CDK14: variants seen among roughly 807,000 people sequenced by gnomAD.
The protein encoded by CDK14 is cyclin-dependent kinase 14.
Under a neutral mutation model 60.7 loss-of-function variants are expected in CDK14, and 34 were observed. The observed-to-expected ratio is 0.56, with a 90% confidence interval of 0.43 to 0.75. The LOEUF is 0.75. CDK14 is among the 30% of genes least tolerant of loss of function. The pLI is 0.00. For synonymous variants in CDK14, 197 were observed against 203.7 expected (o/e 0.97, Z 0.28); for missense variants, 482 against 564.1 (o/e 0.85, Z 1.47).
intron 12 of CDK14, among the ~76,000 whole-genome samples, chr7:91,096,065 CAAAAAAAA>C (rs112016367): frequency 7.7e-5 from 5 of 64,556 alleles, no homozygotes; most frequent in Non-Finnish European, 1.1e-4. Flanking sequence ...CACAATTTGC[CAAAAAAAA>C]AAAAAAAAAA....
At chr7:90,894,850 A>C (rs1310055275) in intron 6 of CDK14, among the ~76,000 whole-genome samples, 1 of 152,124 alleles carries the variant, frequency 6.6e-6, no homozygotes, top group Admixed American at 6.5e-5. Context: ...ATATGTTTTT[A>C]TATTGAACTA....
At chr7:91,124,891 A>G (rs1284556710) in intron 14 of CDK14, among the ~76,000 whole-genome samples, 1 of 152,138 alleles carries the variant, frequency 6.6e-6, no homozygotes, top group Non-Finnish European at 1.5e-5. Flanking sequence ...TTTTCATTTA[A>G]TGTTGATTCT....
At chr7:90,848,892 C>G (rs1237833068) in intron 5 of CDK14, among the ~76,000 whole-genome samples, 1 of 152,108 alleles carries the variant, frequency 6.6e-6, no homozygotes, top group Non-Finnish European at 1.5e-5. Context: ...TTATTTTTGC[C>G]TATTCGTTGG....
At chr7:90,630,061 AC>A (rs1356524433) in intron 2 of CDK14, among the ~76,000 whole-genome samples, 20 of 151,642 alleles carry the variant, frequency 1.3e-4, no homozygotes, top group Non-Finnish European at 2.1e-4. Flanking sequence ...ACAAAACAAA[AC>A]AAAACAAAAC....
intron 4 of CDK14, among the ~76,000 whole-genome samples, chr7:90,788,064 G>A (rs762267942): frequency 3.8e-4 from 58 of 152,118 alleles, no homozygotes; most frequent in Non-Finnish European, 6.9e-4. Context: ...AGAAGCATGC[G>A]GTTCCTATAT....
At chr7:90,599,643 G>T (rs1799271830) in intron 1 of CDK14, among the ~76,000 whole-genome samples, 2 of 152,078 alleles carry the variant, frequency 1.3e-5, no homozygotes, top group Admixed American at 1.3e-4. Context: ...TTTCTTCATT[G>T]GTACTTCATG....
intron 9 of CDK14, among the ~76,000 whole-genome samples, chr7:90,968,192 A>G (rs1002598484): frequency 2.2e-4 from 33 of 152,214 alleles, no homozygotes; most frequent in Admixed American, 1.3e-4. Flanking sequence ...TGGTAAACTT[A>G]GATGTTTGTG....
intron 12 of CDK14, among the ~76,000 whole-genome samples, chr7:91,091,658 A>G (rs972828236): frequency 6.7e-6 from 1 of 149,152 alleles, no homozygotes; most frequent in Admixed American, 6.7e-5. Context: ...GACAGAGCAA[A>G]ACCCTGTCAA....
At chr7:90,634,632 CT>C (rs1441985829) in intron 2 of CDK14, among the ~76,000 whole-genome samples, 1 of 152,018 alleles carries the variant, frequency 6.6e-6, no homozygotes, top group African/African-American at 2.4e-5. Context: ...ATTTATAGTC[CT>C]TTGGGTATAT....
At chr7:90,644,441 C>T (rs1448919434) in intron 2 of CDK14, among the ~76,000 whole-genome samples, 1 of 152,078 alleles carries the variant, frequency 6.6e-6, no homozygotes, top group East Asian at 1.9e-4. Context: ...GGTCTCAGTG[C>T]CGGGAAGGTG....
intron 5 of CDK14, among the ~76,000 whole-genome samples, chr7:90,814,409 A>G (rs773861537): frequency 6.6e-6 from 1 of 152,188 alleles, no homozygotes; most frequent in African/African-American, 2.4e-5. Flanking sequence ...ATTCCTGTCA[A>G]TTTTTGACAA....
chr7:91,005,596 G>T (rs1434311704), intron 10 of CDK14, among the ~76,000 whole-genome samples: 2 of 152,194 alleles, frequency 1.3e-5, no homozygotes, highest in Admixed American at 6.5e-5. Flanking sequence ...GTGGGTCAAA[G>T]GTTATAGCTC....
intron 10 of CDK14, among the ~76,000 whole-genome samples, chr7:91,037,471 A>T (rs73403381): frequency 0.016 from 2,433 of 152,212 alleles, 51 homozygotes; most frequent in African/African-American, 0.052. Flanking sequence ...CATGAAAAAA[A>T]CCTCATTCTG....
rs56670195 is a variant in CDK14 at position 91,091,501 on chromosome 7, T to TTATATATATATATATATATATATATATA, written c.1154+12037_1154+12038insTATATATATATATATATATATATATATA. 3.8e-3 allele frequency among the ~76,000 whole-genome samples: 340 copies of TTATATATATATATATATATATATATATA among 88,946 alleles called. 19 individuals are homozygous for TTATATATATATATATATATATATATATA. The highest frequency in any genetic ancestry group is 5.4e-3 in the Middle Eastern group (1 of 184). The allele number at this position is 88,946 out of a possible 152,430, so 58.4% of individuals were successfully genotyped here. On this transcript the variant is annotated intron_variant, in intron 12 of 14. Coordinates refer to ENST00000380050, the MANE Select transcript of CDK14 (RefSeq NM_001287135.2). Reference sequence around the variant, plus strand: ...TATATGTATATGTAGTTTATATATTTTATATATATATATATAAATTAGCCA... The same window carrying TTATATATATATATATATATATATATATA: ...TATATGTATATGTAGTTTATATATTTTATATATATATATATATATATATATATATATATATATATATATAAATTAGCCA...
intron 11 of CDK14, 144 bp from the exon 12 acceptor site, chr7:91,079,288 C>T: frequency 3.6e-6 from 2 of 561,882 alleles, no homozygotes; most frequent in Non-Finnish European, 6.3e-6. Flanking sequence ...TTTATAACTG[C>T]CCAGTATAAA....
intron 2 of CDK14, among the ~76,000 whole-genome samples, chr7:90,627,014 A>G (rs1355298593): frequency 6.6e-6 from 1 of 152,050 alleles, no homozygotes; most frequent in Non-Finnish European, 1.5e-5. Flanking sequence ...AAAGAAACAG[A>G]TAACTTTACT....
At chr7:90,596,751 G>A (rs772793605) in intron 1 of CDK14, 33 bp downstream of exon 1, 2 of 1,556,334 alleles carry the variant, frequency 1.3e-6, no homozygotes, top group Non-Finnish European at 1.8e-6. Flanking sequence ...CCCCCCCAGC[G>A]CCCGCTCCCC....
rs1802637184 is a variant in CDK14 at position 90,726,498 on chromosome 7, T to C, written c.124-69T>C. 4 of 1,498,514 alleles carry C rather than the reference T, an allele frequency of 2.7e-6. No individual in the cohort carries two copies. In the Admixed American group the frequency reaches 7.5e-5, roughly 28 times the overall value. The allele number at this position is 1,498,514 out of a possible 1,614,324, so 92.8% of individuals were successfully genotyped here. On this transcript the variant is annotated intron_variant, in intron 2 of 14. Transcript: ENST00000380050. ...GAAATTGGCATGCTTTCTAGAGTTATATATTGGCATGTTTAGTGATATTAA... is the reference window on the plus strand; with the variant it reads ...GAAATTGGCATGCTTTCTAGAGTTACATATTGGCATGTTTAGTGATATTAA...
chr7:91,112,538 T>A lies in CDK14; in HGVS notation c.1155-4T>A. ...TGACCTCTCTTTTTTGCTCATGTTT[T>A]TAGGCTCAGCTATGTGAACCATGCA... is the stretch of plus-strand genomic sequence containing the variant. On this transcript the variant is annotated splice_polypyrimidine_tract_variant and splice_region_variant and intron_variant, in intron 12 of 14. Transcript: ENST00000380050. The A allele has an allele frequency of 1.2e-6, 2 of 1,610,816 alleles. No individual in the cohort carries two copies. The highest frequency in any genetic ancestry group is 1.7e-6 in the Non-Finnish European group (2 of 1,177,678).
Sources: allele counts gnomAD v4.1 joint callset (sites outside exome capture counted in the v4.1 genomes callset), GRCh38; gene constraint gnomAD v4.1.1; transcripts MANE v1.5; gene names NCBI Gene and HGNC (gene_info 2026-07-23, HGNC 2026-07-21).